Variants in CACNA2D1 observed in about 807,000 individuals in gnomAD.
The protein encoded by CACNA2D1 is calcium voltage-gated channel auxiliary subunit alpha2delta 1, also known as voltage-dependent calcium channel subunit alpha-2/delta-1.
In CACNA2D1, 53 loss-of-function variants were observed where a neutral mutation model predicts 171.5. The observed-to-expected ratio is 0.31, with a 90% CI of 0.25 to 0.39. CACNA2D1 has a LOEUF of 0.39. Ranked by LOEUF, CACNA2D1 falls within the 10% of genes least tolerant of loss-of-function variation. The probability of loss-of-function intolerance (pLI) is 1.00; values close to 1 mark genes in which losing one functional copy is unlikely to be tolerated. For missense variants in CACNA2D1, 903 were observed against 1,299.8 expected, an observed-to-expected ratio of 0.69 and a Z score of 4.69; for synonymous variants, 442 against 443.1, an observed-to-expected ratio of 1.00 and a Z score of 0.03.
At chr7:82,419,213 T>A (rs1216010622) in intron 1 of CACNA2D1, among the ~76,000 whole-genome samples, 2 of 152,140 alleles carry the variant, frequency 1.3e-5, no homozygotes, top group East Asian at 3.9e-4. Context: ...TCTCTGTAAT[T>A]GTACCTCTCT....
At chr7:82,184,397 T>C (rs1253018483) in intron 3 of CACNA2D1, among the ~76,000 whole-genome samples, 2 of 152,122 alleles carry the variant, frequency 1.3e-5, no homozygotes, top group African/African-American at 4.8e-5. Flanking sequence ...ATGCCACCTC[T>C]GTTTTCCCCT....
At chr7:82,186,267 G>A (rs932599102) in intron 3 of CACNA2D1, among the ~76,000 whole-genome samples, 5 of 150,922 alleles carry the variant, frequency 3.3e-5, no homozygotes, top group African/African-American at 9.7e-5. Flanking sequence ...AGGAAGGAAG[G>A]AAGGAAGGAA....
chr7:82,186,208 G>A lies in CACNA2D1; in HGVS notation c.295-15599C>T, dbSNP rs1333092746. On this transcript the variant is annotated intron_variant, in intron 3 of 38. Coordinates refer to ENST00000356860, the MANE Select transcript of CACNA2D1 (RefSeq NM_000722.4). ...GGAAGGAAGGGAGGGAGGGAGGGAG[G>A]GAGGGAGGGAAAGAGAGAGAGAGAA... Among the ~76,000 whole-genome samples the A allele has an allele frequency of 4.3e-4, 48 of 110,768 alleles. 1 individual carries two copies. The East Asian group carries it at 0.012, about 27-fold the overall frequency. The allele number at this position is 110,768 out of a possible 152,430, so 72.7% of individuals were successfully genotyped here.
intron 1 of CACNA2D1, among the ~76,000 whole-genome samples, chr7:82,426,168 TAAATA>T: frequency 7.2e-6 from 1 of 138,204 alleles, no homozygotes; most frequent in Non-Finnish European, 1.5e-5. Context: ...AATAAATAAA[TAAATA>T]AATAAATACA....
At chr7:82,176,126 T>C (rs1796520648) in intron 3 of CACNA2D1, among the ~76,000 whole-genome samples, 1 of 152,030 alleles carries the variant, frequency 6.6e-6, no homozygotes, top group Non-Finnish European at 1.5e-5. Context: ...GATCATTGTG[T>C]TCTGCCTGTG....
At chr7:82,060,010 G>C (rs573289603) in intron 10 of CACNA2D1, among the ~76,000 whole-genome samples, 1 of 20,412 alleles carries the variant, frequency 4.9e-5, no homozygotes, top group South Asian at 4.7e-3. Flanking sequence ...GTGGGGGGAG[G>C]GGGGAGGGAT....
At chr7:82,111,254 T>A (rs190932135) in intron 6 of CACNA2D1, among the ~76,000 whole-genome samples, 1 of 144,536 alleles carries the variant, frequency 6.9e-6, no homozygotes, top group Non-Finnish European at 1.5e-5. Flanking sequence ...AACTTTTCCT[T>A]GATATATATA....
intron 4 of CACNA2D1, among the ~76,000 whole-genome samples, chr7:82,150,273 A>C (rs1793687645): frequency 2.2e-5 from 2 of 90,744 alleles, no homozygotes; most frequent in Non-Finnish European, 2.1e-5. Flanking sequence ...AAAAAAACAA[A>C]AACAACAACA....
At chr7:82,051,569 A>G (rs983383479) in intron 10 of CACNA2D1, among the ~76,000 whole-genome samples, 1 of 152,216 alleles carries the variant, frequency 6.6e-6, no homozygotes, top group Non-Finnish European at 1.5e-5. Flanking sequence ...TAACATAATC[A>G]TAACATGTGC....
chr7:82,320,578 A>ATT (rs1187859762), intron 3 of CACNA2D1, among the ~76,000 whole-genome samples: 15,527 of 128,606 alleles, frequency 0.12, 1,162 homozygotes, highest in African/African-American at 0.2. Flanking sequence ...CACTTGGCTA[A>ATT]TTTTTTTTTT....
At chr7:82,253,132 C>T (rs1805870889) in intron 3 of CACNA2D1, among the ~76,000 whole-genome samples, 1 of 152,012 alleles carries the variant, frequency 6.6e-6, no homozygotes. Flanking sequence ...AGAAGAAGGG[C>T]TTATACTGGA....
At chr7:82,062,052 G>T (rs1806997291) in intron 9 of CACNA2D1, among the ~76,000 whole-genome samples, 1 of 152,132 alleles carries the variant, frequency 6.6e-6, no homozygotes, top group African/African-American at 2.4e-5. Context: ...CATCTTAGTA[G>T]AATTCAAGTT....
intron 4 of CACNA2D1, among the ~76,000 whole-genome samples, chr7:82,163,126 T>C (rs1027602713): frequency 3.9e-5 from 6 of 152,078 alleles, no homozygotes; most frequent in Non-Finnish European, 8.8e-5. Context: ...GTGATTTCCC[T>C]AGGGTTCTGT....
chr7:82,004,993 A>C (rs189472227), intron 18 of CACNA2D1, among the ~76,000 whole-genome samples: 1 of 152,262 alleles, frequency 6.6e-6, no homozygotes, highest in Non-Finnish European at 1.5e-5. Flanking sequence ...TAAAAGGAAA[A>C]CCATTCTGGG....
intron 12 of CACNA2D1, among the ~76,000 whole-genome samples, chr7:82,022,754 AT>A (rs1347905256): frequency 6.6e-6 from 1 of 151,918 alleles, no homozygotes; most frequent in Non-Finnish European, 1.5e-5. Flanking sequence ...TTTCTCAATC[AT>A]TTTTTAAAGT....
intron 3 of CACNA2D1, among the ~76,000 whole-genome samples, chr7:82,213,309 A>T (rs902742203): frequency 6.6e-6 from 1 of 152,196 alleles, no homozygotes; most frequent in African/African-American, 2.4e-5. Flanking sequence ...ACACACAAAC[A>T]AAAAGAGAGA....
chr7:81,970,046 A>G (rs1795104016), intron 27 of CACNA2D1, 62 bp from the exon 28 acceptor site: 3 of 984,534 alleles, frequency 3.0e-6, no homozygotes, highest in African/African-American at 1.6e-5. Context: ...ACTTTATCCT[A>G]TGTGGACTTG....
At chr7:82,395,442 G>A (rs1245585756) in intron 1 of CACNA2D1, among the ~76,000 whole-genome samples, 4 of 152,074 alleles carry the variant, frequency 2.6e-5, no homozygotes, top group Admixed American at 6.6e-5. Flanking sequence ...TAATTTTAAC[G>A]CTTTGTATTA....
intron 1 of CACNA2D1, among the ~76,000 whole-genome samples, chr7:82,359,161 C>G (rs970292627): frequency 6.6e-6 from 1 of 152,088 alleles, no homozygotes; most frequent in Non-Finnish European, 1.5e-5. Flanking sequence ...TTCTATGAAC[C>G]AAATGAGCTA....
Sources: allele counts gnomAD v4.1 joint callset (sites outside exome capture counted in the v4.1 genomes callset), GRCh38; gene constraint gnomAD v4.1.1; transcripts MANE v1.5; gene names NCBI Gene and HGNC (gene_info 2026-07-23, HGNC 2026-07-21).